Variants in CHCHD6 observed in about 807,000 individuals in gnomAD.
CHCHD6 encodes the protein coiled-coil-helix-coiled-coil-helix domain containing 6, also known as MICOS complex subunit MIC25.
CHCHD6 carries 28 observed loss-of-function variants against 32.3 expected under a neutral mutation model. The observed-to-expected ratio is 0.87, with a 90% CI of 0.64 to 1.19. CHCHD6 has a LOEUF of 1.19. Among genes scored for constraint, CHCHD6 ranks in the 50% most tolerant of loss-of-function variants. CHCHD6 has a pLI of 0.00. For missense variants in CHCHD6, 333 were observed against 307.0 expected (o/e 1.08, Z -0.63); for synonymous variants, 122 against 117.5 (o/e 1.04, Z -0.25).
intron 1 of CHCHD6, among the ~76,000 whole-genome samples, chr3:126,721,685 T>G (rs1935301620): frequency 6.6e-6 from 1 of 151,924 alleles, no homozygotes; most frequent in Non-Finnish European, 1.5e-5. Context: ...ACAATCATTT[T>G]TAGAACATTT....
chr3:126,717,462 C>T (rs1330368316), intron 1 of CHCHD6, among the ~76,000 whole-genome samples: 2 of 152,140 alleles, frequency 1.3e-5, no homozygotes, highest in African/African-American at 2.4e-5. Flanking sequence ...GTGACTTACT[C>T]GTAGACCTGT....
chr3:126,943,621 G>T (rs2078594177), intron 6 of CHCHD6, among the ~76,000 whole-genome samples: 1 of 152,178 alleles, frequency 6.6e-6, no homozygotes, highest in African/African-American at 2.4e-5. Flanking sequence ...ACGGTGAGAG[G>T]TGAGTCCTGG....
chr3:126,763,149 T>G (rs773972377), intron 4 of CHCHD6, among the ~76,000 whole-genome samples: 34 of 152,218 alleles, frequency 2.2e-4, no homozygotes, highest in Admixed American at 2.1e-3. Context: ...GTTAACTGAT[T>G]TGATTCCCTT....
intron 4 of CHCHD6, among the ~76,000 whole-genome samples, chr3:126,839,675 C>T (rs192415529): frequency 1.3e-5 from 2 of 152,302 alleles, no homozygotes; most frequent in African/African-American, 4.8e-5. Context: ...TACTCCCCAA[C>T]CTGGATTACT....
At chr3:126,869,498 G>A (rs924390993) in intron 5 of CHCHD6, among the ~76,000 whole-genome samples, 1 of 151,824 alleles carries the variant, frequency 6.6e-6, no homozygotes, top group Non-Finnish European at 1.5e-5. Flanking sequence ...GCATGGTGAT[G>A]GTACAAAATT....
intron 4 of CHCHD6, among the ~76,000 whole-genome samples, chr3:126,742,829 A>G (rs1425848443): frequency 6.6e-6 from 1 of 152,220 alleles, no homozygotes; most frequent in Non-Finnish European, 1.5e-5. Context: ...TTCTTTATCA[A>G]TGACCCAGTT....
At chr3:126,801,485 G>A (rs1246299113) in intron 4 of CHCHD6, among the ~76,000 whole-genome samples, 1 of 152,222 alleles carries the variant, frequency 6.6e-6, no homozygotes, top group Non-Finnish European at 1.5e-5. Flanking sequence ...AGATCAAACT[G>A]CAAGGCGGCA....
chr3:126,833,326 G>T (rs538267435), intron 4 of CHCHD6, among the ~76,000 whole-genome samples: 2 of 152,274 alleles, frequency 1.3e-5, no homozygotes, highest in South Asian at 2.1e-4. Context: ...TCCTTCCTTG[G>T]CACGGGTACA....
chr3:126,774,429 G>A (rs574291427), intron 4 of CHCHD6, among the ~76,000 whole-genome samples: 2 of 152,230 alleles, frequency 1.3e-5, no homozygotes, highest in South Asian at 2.1e-4. Context: ...AATATCATAC[G>A]ATATCAAAAC....
In CHCHD6 at chr3:126,727,151, G is replaced by C; in HGVS notation, c.161G>C (p.Gly54Ala). 1 of 1,613,938 alleles carries C rather than the reference G, an allele frequency of 6.2e-7. No homozygotes were observed. ...PPPAPTSSTF[G>A]LQDGNLRAPH... is the part of the protein sequence containing the mutation. ...CCTGCTCCCACATCTTCTACCTTTG[G>C]CCTTCAAGATGGCAACTTGAGAGCC... Residue 54 changes from glycine to alanine, a missense_variant, in exon 2 of 8, where the codon GGC becomes GCC. Coordinates refer to ENST00000290913, the MANE Select transcript of CHCHD6 (RefSeq NM_032343.3).
chr3:126,857,270 G>A lies in CHCHD6; in HGVS notation c.495+4540G>A, dbSNP rs141223182. Among the ~76,000 whole-genome samples the A allele has an allele frequency of 7.7e-4, 117 of 152,218 alleles. 1 individual carries two copies. Among genetic ancestry groups the A allele is most frequent in the Non-Finnish European group, 5.9e-4 (40 of 67,998 alleles). On this transcript the variant is annotated intron_variant, in intron 5 of 7. Transcript: ENST00000290913. ...ACCTCCCAGCTCTGTGAAACGCTTCGTCTCACTTTATCCAAACTCAGCAGC... is the reference window on the plus strand; with the variant it reads ...ACCTCCCAGCTCTGTGAAACGCTTCATCTCACTTTATCCAAACTCAGCAGC...
chr3:126,879,074 T>TCCA (rs1300770120), intron 5 of CHCHD6, among the ~76,000 whole-genome samples: 1 of 152,252 alleles, frequency 6.6e-6, no homozygotes, highest in Non-Finnish European at 1.5e-5. Flanking sequence ...GTGTGGCCTC[T>TCCA]CTAGGCTTCC....
rs939125718 is a variant in CHCHD6 at position 126,871,113 on chromosome 3, G to A, written c.495+18383G>A. 3.3e-5 allele frequency among the ~76,000 whole-genome samples: 5 copies of A among 152,118 alleles called. No homozygotes were observed. In the South Asian group the frequency reaches 6.2e-4, roughly 19 times the overall value. On this transcript the variant is annotated intron_variant, in intron 5 of 7. Transcript: ENST00000290913. ...TACGTTCCAATTCCCTCATATCAGC[G>A]TTTGATTCACCCTTTTCAGTCTGAA...
chr3:126,733,181 G>A lies in CHCHD6; in HGVS notation c.370G>A (p.Glu124Lys), dbSNP rs765059585. 8 of 1,614,020 alleles carry A rather than the reference G, an allele frequency of 5.0e-6. No homozygotes were observed. The highest frequency in any genetic ancestry group is 4.4e-5 in the South Asian group (4 of 91,080). Residue 124 changes from glutamate (E) to lysine (K), a missense_variant, in exon 4 of 8, where the codon GAA becomes AAA. Coordinates refer to ENST00000290913, the MANE Select transcript of CHCHD6 (RefSeq NM_032343.3). ...KHSKASLPTGEGSISHEEQKS... is the reference protein window; with the variant it reads ...KHSKASLPTGKGSISHEEQKS... ...CTCCAAGGCATCCCTGCCCACGGGC[G>A]AAGGCAGCATCAGCCATGAGGAGCA... is the stretch of plus-strand genomic sequence containing the variant.
At chr3:126,706,580 CAG>C (rs926515633) in intron 1 of CHCHD6, among the ~76,000 whole-genome samples, 122 of 152,042 alleles carry the variant, frequency 8.0e-4, no homozygotes, top group Non-Finnish European at 1.0e-4. Flanking sequence ...GCAAACTAAT[CAG>C]AGAGGATAAA....
chr3:126,851,093 A>T (rs1941459863), intron 4 of CHCHD6, among the ~76,000 whole-genome samples: 1 of 152,202 alleles, frequency 6.6e-6, no homozygotes, highest in African/African-American at 2.4e-5. Context: ...CCACTCAGTG[A>T]TAGAGCCGAT....
chr3:126,798,197 G>A (rs1225149441), intron 4 of CHCHD6, among the ~76,000 whole-genome samples: 1 of 152,124 alleles, frequency 6.6e-6, no homozygotes, highest in African/African-American at 2.4e-5. Flanking sequence ...GGGCTTCCTG[G>A]GCCAGGGTGT....
intron 4 of CHCHD6, among the ~76,000 whole-genome samples, chr3:126,801,776 C>A (rs904876085): frequency 6.6e-6 from 1 of 152,228 alleles, no homozygotes; most frequent in African/African-American, 2.4e-5. Context: ...GGGTCCCTGA[C>A]CCCTGACCCC....
At chr3:126,754,294 T>G (rs771643005) in intron 4 of CHCHD6, among the ~76,000 whole-genome samples, 5 of 152,194 alleles carry the variant, frequency 3.3e-5, no homozygotes, top group Non-Finnish European at 7.3e-5. Context: ...GTTGCAAGGA[T>G]CAAGTGTAAA....
Sources: gnomAD v4.1 joint callset for allele counts (sites outside exome capture counted in the v4.1 genomes callset) on GRCh38, gnomAD v4.1.1 for gene constraint, MANE v1.5 for transcripts, NCBI Gene and HGNC (gene_info 2026-07-23, HGNC 2026-07-21) for gene names.